The following CTNNA2 variants were observed in gnomAD, a reference collection of about 807,000 sequenced individuals.
CTNNA2 encodes the protein catenin alpha 2.
A neutral mutation model predicts 101.0 loss-of-function variants in CTNNA2; 42 were observed. The ratio of observed to expected loss-of-function variants is 0.42; its 90% CI spans 0.32 to 0.54. CTNNA2 has a LOEUF of 0.54. Among genes scored for constraint, CTNNA2 ranks in the 20% least tolerant of loss-of-function variants. The probability of loss-of-function intolerance (pLI) is 0.14; values close to 1 mark genes in which losing one functional copy is unlikely to be tolerated. For synonymous variants in CTNNA2, 450 were observed against 456.4 expected (o/e 0.99, Z 0.18); for missense variants, 871 against 1,223.1 (o/e 0.71, Z 4.29).
intron 9 of CTNNA2, among the ~76,000 whole-genome samples, chr2:80,433,014 C>G (rs543169192): frequency 2.0e-5 from 3 of 152,102 alleles, no homozygotes; most frequent in African/African-American, 7.2e-5. Flanking sequence ...CAGTAGAGTA[C>G]TTTATGGATC....
intron 18 of CTNNA2, among the ~76,000 whole-genome samples, chr2:80,631,298 CT>C (rs199625198): frequency 1.3e-5 from 2 of 148,938 alleles, no homozygotes; most frequent in African/African-American, 4.9e-5. Context: ...AAAGGTAGTA[CT>C]TTTTTTTCAA....
intron 7 of CTNNA2, among the ~76,000 whole-genome samples, chr2:79,930,367 G>T (rs540977463): frequency 1.5e-3 from 226 of 147,688 alleles, no homozygotes; most frequent in Middle Eastern, 3.6e-3. Context: ...AATGAACACG[G>T]GTTCTAGCCA....
At chr2:79,458,057 C>T (rs1670844059) in intron 4 of CTNNA2, among the ~76,000 whole-genome samples, 1 of 152,164 alleles carries the variant, frequency 6.6e-6, no homozygotes, top group South Asian at 2.1e-4. Flanking sequence ...CTCAGGTAAC[C>T]TACACTTAGT....
At chr2:79,919,303 A>G (rs779336539) in intron 7 of CTNNA2, among the ~76,000 whole-genome samples, 1 of 152,202 alleles carries the variant, frequency 6.6e-6, no homozygotes, top group Non-Finnish European at 1.5e-5. Flanking sequence ...ACAGAATGGA[A>G]AAAGAAAATC....
chr2:79,854,356 G>A (rs886166527), intron 3 of CTNNA2, among the ~76,000 whole-genome samples: 23 of 152,186 alleles, frequency 1.5e-4, no homozygotes, highest in African/African-American at 5.5e-4. Context: ...CCCCATGTTG[G>A]GTGCTTTGAA....
At chr2:79,981,911 A>G (rs1411340901) in intron 7 of CTNNA2, among the ~76,000 whole-genome samples, 2 of 152,088 alleles carry the variant, frequency 1.3e-5, no homozygotes, top group Non-Finnish European at 2.9e-5. Context: ...TTTCTTGATT[A>G]AACGACTTTG....
chr2:79,196,668 T>C (rs1437033294), intron 1 of CTNNA2, among the ~76,000 whole-genome samples: 10 of 152,226 alleles, frequency 6.6e-5, no homozygotes. Context: ...CATTAAGACC[T>C]TTGTAGAGGT....
chr2:79,977,590 T>TA (rs1281563739), intron 7 of CTNNA2, among the ~76,000 whole-genome samples: 1 of 152,164 alleles, frequency 6.6e-6, no homozygotes, highest in African/African-American at 2.4e-5. Flanking sequence ...AAAAATGCTT[T>TA]AAAAATACAG....
chr2:79,391,799 T>C (rs75048910), intron 4 of CTNNA2, among the ~76,000 whole-genome samples: 5,137 of 152,198 alleles, frequency 0.034, 270 homozygotes, highest in African/African-American at 0.12. Flanking sequence ...AAATACCACA[T>C]GATGGGGTAG....
rs572004342 is a variant in CTNNA2 at position 79,905,394 on chromosome 2, C to T, written c.853-4200C>T. Among the ~76,000 whole-genome samples, 14 of 151,990 alleles carry T rather than the reference C, an allele frequency of 9.2e-5. No homozygotes were observed. In the South Asian group the frequency reaches 1.7e-3, roughly 18 times the overall value. On this transcript the variant is annotated intron_variant, in intron 6 of 18. Transcript: ENST00000402739. ...ATGACTAAATGAGCTTTAAGAATGC[C>T]GACAGGAGATGGGGATATTTACAAT...
At chr2:80,118,543 C>T (rs535980867) in intron 7 of CTNNA2, among the ~76,000 whole-genome samples, 56 of 152,288 alleles carry the variant, frequency 3.7e-4, no homozygotes, top group African/African-American at 1.3e-3. Flanking sequence ...AACTGGGTTT[C>T]TTTTGGTAAA....
At chr2:80,212,366 GTTC>G (rs1430121743) in intron 7 of CTNNA2, among the ~76,000 whole-genome samples, 8 of 152,250 alleles carry the variant, frequency 5.3e-5, no homozygotes, top group Non-Finnish European at 1.2e-4. Context: ...GTCATAAACA[GTTC>G]TTATTATTTT....
At chr2:79,351,976 T>C (rs12996920) in intron 3 of CTNNA2, among the ~76,000 whole-genome samples, 54,628 of 151,994 alleles carry the variant, frequency 0.36, 10,115 homozygotes, top group Admixed American at 0.44. Flanking sequence ...AGTTCAACTC[T>C]CAGTTCTTTG....
intron 7 of CTNNA2, among the ~76,000 whole-genome samples, chr2:80,043,073 TTCTTTCTTTCTTTCTTTCTTTCTC>T (rs1210583669): frequency 3.7e-3 from 217 of 58,454 alleles, no homozygotes; most frequent in African/African-American, 0.011. Context: ...CTTTCTTTCT[TTCTTTCTTTCTTTCTTTCTTTCTC>T]TCTCTCTCTC....
At chr2:79,958,854 T>G (rs1471815042) in intron 7 of CTNNA2, among the ~76,000 whole-genome samples, 4 of 152,154 alleles carry the variant, frequency 2.6e-5, no homozygotes, top group African/African-American at 9.7e-5. Flanking sequence ...TATTATTTAT[T>G]GGATTAAGTG....
At chr2:79,930,176 G>T (rs984020931) in intron 7 of CTNNA2, among the ~76,000 whole-genome samples, 1 of 151,808 alleles carries the variant, frequency 6.6e-6, no homozygotes, top group Admixed American at 6.6e-5. Flanking sequence ...GGCAGAGGTG[G>T]AGGTTGCAGT....
At chr2:80,573,721 C>CT (rs1196860723) in intron 12 of CTNNA2, among the ~76,000 whole-genome samples, 1 of 152,118 alleles carries the variant, frequency 6.6e-6, no homozygotes, top group African/African-American at 2.4e-5. Flanking sequence ...CCACCCAAAA[C>CT]TTTTTTGCAT....
intron 3 of CTNNA2, among the ~76,000 whole-genome samples, chr2:79,337,878 G>A (rs141930933): frequency 2.1e-3 from 318 of 152,128 alleles, no homozygotes; most frequent in African/African-American, 7.5e-3. Context: ...TATTTTCTTC[G>A]TGGGGTTCTG....
intron 4 of CTNNA2, among the ~76,000 whole-genome samples, chr2:79,500,503 A>C (rs1671307410): frequency 2.0e-5 from 3 of 152,212 alleles, no homozygotes. Flanking sequence ...GAATAATTGA[A>C]ATACACACAA....
Sources: allele counts gnomAD v4.1 joint callset (sites outside exome capture counted in the v4.1 genomes callset), GRCh38; gene constraint gnomAD v4.1.1; transcripts MANE v1.5; gene names NCBI Gene and HGNC (gene_info 2026-07-23, HGNC 2026-07-21).